ARID2: variants seen among roughly 807,000 people sequenced by gnomAD.
ARID2 encodes the protein AT-rich interactive domain-containing protein 2.
In ARID2, 32 loss-of-function variants were observed where a neutral mutation model predicts 184.6. The ratio of observed to expected loss-of-function variants is 0.17; its 90% CI spans 0.13 to 0.23. The LOEUF (loss-of-function observed/expected upper bound fraction) is 0.23. ARID2 is among the 10% of genes least tolerant of loss of function. The pLI is 1.00. For synonymous variants in ARID2, 836 were observed against 772.6 expected, an observed-to-expected ratio of 1.08 and a Z score of -1.36; for missense variants, 1,696 against 2,197.6, an observed-to-expected ratio of 0.77 and a Z score of 4.56.
intron 3 of ARID2, among the ~76,000 whole-genome samples, chr12:45,768,579 G>A (rs1004894955): frequency 6.6e-6 from 1 of 152,184 alleles, no homozygotes; most frequent in Non-Finnish European, 1.5e-5. Flanking sequence ...TTGCTGGGGA[G>A]AAGTTCAGGC....
chr12:45,836,236 G>T (rs921226369), intron 6 of ARID2, among the ~76,000 whole-genome samples: 5 of 152,072 alleles, frequency 3.3e-5, no homozygotes, highest in African/African-American at 1.2e-4. Context: ...TTGAGATGGG[G>T]TCTCACTCTT....
At chr12:45,788,521 C>T (rs1469868302) in intron 3 of ARID2, among the ~76,000 whole-genome samples, 1 of 152,064 alleles carries the variant, frequency 6.6e-6, no homozygotes, top group Non-Finnish European at 1.5e-5. Flanking sequence ...TACTTATTTA[C>T]ATGTATCAGG....
intron 3 of ARID2, among the ~76,000 whole-genome samples, chr12:45,745,615 T>A (rs774069718): frequency 2.0e-5 from 3 of 152,204 alleles, no homozygotes; most frequent in Non-Finnish European, 4.4e-5. Flanking sequence ...TGGCGCAATC[T>A]CGGCTCACTG....
At chr12:45,756,543 T>C (rs555680771) in intron 3 of ARID2, among the ~76,000 whole-genome samples, 54 of 152,378 alleles carry the variant, frequency 3.5e-4, no homozygotes, top group Non-Finnish European at 8.8e-5. Flanking sequence ...AATATGTAAC[T>C]GACAACATTG....
In ARID2 at chr12:45,849,045, A is replaced by G. The variant is rs1446670698; in HGVS notation, c.1715+75A>G. ...TCTCTTGCTCTTTAAAGAAAATACCAAATATCTTATCTAGTTTTAAATATT... is the reference window on the plus strand; with the variant it reads ...TCTCTTGCTCTTTAAAGAAAATACCGAATATCTTATCTAGTTTTAAATATT... On this transcript the variant is annotated intron_variant, in intron 13 of 20. Coordinates refer to ENST00000334344, the MANE Select transcript of ARID2 (RefSeq NM_152641.4). 6 of 1,476,548 alleles carry G rather than the reference A, an allele frequency of 4.1e-6. No individual in the cohort carries two copies. The Admixed American group carries it at 8.1e-5, about 20-fold the overall frequency. 91.5% of individuals were successfully genotyped at this position (1,476,548 alleles called of 1,614,324 possible).
intron 5 of ARID2, among the ~76,000 whole-genome samples, chr12:45,819,380 A>G (rs936850078): frequency 5.9e-5 from 9 of 152,204 alleles, no homozygotes; most frequent in Non-Finnish European, 1.3e-4. Flanking sequence ...TATAGTTTCT[A>G]TCATTTGAAG....
At chr12:45,813,601 G>A (rs1161686998) in intron 4 of ARID2, among the ~76,000 whole-genome samples, 1 of 151,878 alleles carries the variant, frequency 6.6e-6, no homozygotes, top group Non-Finnish European at 1.5e-5. Flanking sequence ...TTGAATAAAT[G>A]TATTTATCCA....
intron 11 of ARID2, among the ~76,000 whole-genome samples, chr12:45,845,653 C>T (rs1458817672): frequency 6.6e-6 from 1 of 152,014 alleles, no homozygotes; most frequent in Non-Finnish European, 1.5e-5. Flanking sequence ...TAGCTGTTAC[C>T]TCAAAGAAAG....
intron 3 of ARID2, among the ~76,000 whole-genome samples, chr12:45,745,537 C>T (rs921812419): frequency 2.8e-4 from 42 of 152,088 alleles, no homozygotes; most frequent in African/African-American, 8.9e-4. Context: ...CTATATAAAA[C>T]GGGGCCTTTA....
At chr12:45,734,376 T>A (rs190754768) in intron 3 of ARID2, among the ~76,000 whole-genome samples, 1,606 of 152,006 alleles carry the variant, frequency 0.011, 20 homozygotes, top group South Asian at 0.026. Context: ...CTCAAAAAAA[T>A]AAAATAAAAT....
intron 3 of ARID2, among the ~76,000 whole-genome samples, chr12:45,763,293 AC>A (rs1331215573): frequency 6.6e-6 from 1 of 152,252 alleles, no homozygotes; most frequent in East Asian, 1.9e-4. Context: ...ACATAGTGAA[AC>A]CCCGTCTCTA....
At chr12:45,816,402 AG>A (rs1382312820) in intron 4 of ARID2, among the ~76,000 whole-genome samples, 1 of 152,254 alleles carries the variant, frequency 6.6e-6, no homozygotes, top group African/African-American at 2.4e-5. Flanking sequence ...GGACTCATTT[AG>A]AGTATTTAGA....
intron 3 of ARID2, among the ~76,000 whole-genome samples, chr12:45,783,341 A>G (rs1392261210): frequency 6.6e-6 from 1 of 152,222 alleles, no homozygotes; most frequent in Non-Finnish European, 1.5e-5. Flanking sequence ...ATATCATAAC[A>G]TGTAGGGGGT....
chr12:45,739,484 G>A (rs1323827907), intron 3 of ARID2, among the ~76,000 whole-genome samples: 4 of 113,892 alleles, frequency 3.5e-5, no homozygotes, highest in Non-Finnish European at 6.6e-5. Context: ...TGGCTCTGTC[G>A]CCCAGGCTGG....
intron 3 of ARID2, among the ~76,000 whole-genome samples, chr12:45,741,302 A>G (rs980761130): frequency 2.0e-4 from 31 of 152,152 alleles, no homozygotes; most frequent in African/African-American, 7.5e-4. Flanking sequence ...AGCTCAAGCC[A>G]TCCTCCCACC....
In ARID2 at chr12:45,850,026, A is replaced by G. The variant is rs756095242; in HGVS notation, c.1913-10A>G. On this transcript the variant is annotated splice_polypyrimidine_tract_variant and intron_variant, in intron 14 of 20. Coordinates refer to ENST00000334344, the MANE Select transcript of ARID2 (RefSeq NM_152641.4). ...CATTTGGAATTTTGACGTTTTCTTCATATTTTCAGGAATCCCTCATGGATC... is the reference window on the plus strand; with the variant it reads ...CATTTGGAATTTTGACGTTTTCTTCGTATTTTCAGGAATCCCTCATGGATC... 1.3e-6 allele frequency: 2 copies of G among 1,570,372 alleles called. No individual in the cohort carries two copies. Among genetic ancestry groups the G allele is most frequent in the Middle Eastern group, 1.7e-4 (1 of 5,826 alleles).
At chr12:45,873,005 C>T (rs1468870785) in intron 16 of ARID2, among the ~76,000 whole-genome samples, 1 of 152,164 alleles carries the variant, frequency 6.6e-6, no homozygotes, top group African/African-American at 2.4e-5. Context: ...TTGGTTCTTT[C>T]TCTTTGCAGT....
chr12:45,804,119 T>A (rs1942556395), intron 3 of ARID2, among the ~76,000 whole-genome samples: 1 of 152,128 alleles, frequency 6.6e-6, no homozygotes, highest in South Asian at 2.1e-4. Context: ...CAGAAGCAAG[T>A]ACTGTTGTGG....
intron 3 of ARID2, among the ~76,000 whole-genome samples, chr12:45,737,670 T>A (rs1288209788): frequency 6.6e-6 from 1 of 152,106 alleles, no homozygotes; most frequent in Admixed American, 6.6e-5. Flanking sequence ...TAATATGTAT[T>A]TCCAAAAAGT....
Sources: allele counts gnomAD v4.1 joint callset (sites outside exome capture counted in the v4.1 genomes callset), GRCh38; gene constraint gnomAD v4.1.1; transcripts MANE v1.5; gene names NCBI Gene and HGNC (gene_info 2026-07-23, HGNC 2026-07-21).